Variants in MYO1E observed in about 807,000 individuals in gnomAD.
MYO1E encodes unconventional myosin-Ie.
MYO1E carries 68 observed loss-of-function variants against 151.1 expected under a neutral mutation model. That is an observed-to-expected ratio of 0.45 (90% CI 0.37 to 0.55). The LOEUF is 0.55. Among genes scored for constraint, MYO1E ranks in the 20% least tolerant of loss-of-function variants. MYO1E has a pLI of 0.00. For synonymous variants in MYO1E, 601 were observed against 501.7 expected, an observed-to-expected ratio of 1.20 and a Z score of -2.64; for missense variants, 1,363 against 1,389.3, an observed-to-expected ratio of 0.98 and a Z score of 0.30.
At chr15:59,144,150 C>T (rs117605175) in intron 26 of MYO1E, among the ~76,000 whole-genome samples, 1 of 151,950 alleles carries the variant, frequency 6.6e-6, no homozygotes, top group Non-Finnish European at 1.5e-5. Context: ...TTTCTTTTTC[C>T]TTTTATTTAT....
rs548637320 is a variant in MYO1E at position 59,208,181 on chromosome 15, G to A, written c.1530+500C>T. On this transcript the variant is annotated intron_variant, in intron 14 of 27. Coordinates refer to ENST00000288235, the MANE Select transcript of MYO1E (RefSeq NM_004998.4). Reference sequence around the variant, plus strand: ...GAATAAACTTGAATTCCTAAAAGATGGAAACAGGAAAGTAGGTAGAGTGAT... The same window carrying A: ...GAATAAACTTGAATTCCTAAAAGATAGAAACAGGAAAGTAGGTAGAGTGAT... The A allele has an allele frequency of 5.3e-6, 6 of 1,141,200 alleles. No individual in the cohort carries two copies. In the African/African-American group the frequency reaches 9.4e-5, roughly 18 times the overall value. The allele number at this position is 1,141,200 out of a possible 1,614,324, so 70.7% of individuals were successfully genotyped here.
chr15:59,139,716 T>G (rs1012774130), intron 26 of MYO1E, among the ~76,000 whole-genome samples: 1 of 148,444 alleles, frequency 6.7e-6, no homozygotes, highest in Non-Finnish European at 1.5e-5. Context: ...CTCTGCAGAC[T>G]TCCCTCCTAC....
At chr15:59,280,411 G>A (rs2080346234) in intron 1 of MYO1E, among the ~76,000 whole-genome samples, 1 of 152,106 alleles carries the variant, frequency 6.6e-6, no homozygotes, top group Non-Finnish European at 1.5e-5. Flanking sequence ...GATCACTTGA[G>A]GTCAGGAGTT....
At position 59,202,245 on chromosome 15, in the gene MYO1E, C is replaced by G; in HGVS notation, c.1698+81G>C. On this transcript the variant is annotated intron_variant, in intron 16 of 27. Coordinates refer to ENST00000288235, the MANE Select transcript of MYO1E (RefSeq NM_004998.4). ...CTCCTCACGTCTCACTGACCTCATC[C>G]TGGCCCAGGGGTGCAGTTCCTTACT... is the stretch of plus-strand genomic sequence containing the variant. The G allele has an allele frequency of 3.2e-6, 4 of 1,253,508 alleles. No homozygotes were observed. In the South Asian group the frequency reaches 4.8e-5, roughly 15 times the overall value. The allele number at this position is 1,253,508 out of a possible 1,614,324, so 77.6% of individuals were successfully genotyped here.
intron 18 of MYO1E, among the ~76,000 whole-genome samples, chr15:59,181,383 C>T (rs2079657531): frequency 6.6e-6 from 1 of 152,224 alleles, no homozygotes; most frequent in South Asian, 2.1e-4. Flanking sequence ...AAGAAACACA[C>T]ATTGCCTAGC....
intron 1 of MYO1E, among the ~76,000 whole-genome samples, chr15:59,349,327 G>A (rs957256925): frequency 6.6e-6 from 1 of 151,950 alleles, no homozygotes; most frequent in African/African-American, 2.4e-5. Flanking sequence ...ATATGAAATG[G>A]ATATAATTAT....
Position 59,137,200 on chromosome 15 carries a change from G to C in MYO1E, c.*180C>G, listed in dbSNP as rs2079378334. The C allele has an allele frequency of 3.1e-6, 2 of 649,360 alleles. No individual in the cohort carries two copies. Among genetic ancestry groups the C allele is most frequent in the Non-Finnish European group, 5.6e-6 (2 of 359,964 alleles). The allele number at this position is 649,360 out of a possible 1,614,324, so 40.2% of individuals were successfully genotyped here. On this transcript the variant is annotated 3_prime_UTR_variant, in exon 28 of 28. Coordinates refer to ENST00000288235, the MANE Select transcript of MYO1E (RefSeq NM_004998.4). Reference sequence around the variant, plus strand: ...GCTACCTTTTAGGATCACTTATGGAGTGATACTCCCTGTCCCCAACCCAGC... The same window carrying C: ...GCTACCTTTTAGGATCACTTATGGACTGATACTCCCTGTCCCCAACCCAGC...
At chr15:59,150,189 G>C (rs576353020) in intron 26 of MYO1E, among the ~76,000 whole-genome samples, 1 of 152,316 alleles carries the variant, frequency 6.6e-6, no homozygotes, top group East Asian at 1.9e-4. Context: ...CCTACTAATT[G>C]TGTTTTACAT....
intron 9 of MYO1E, among the ~76,000 whole-genome samples, chr15:59,218,693 G>C (rs1444899595): frequency 6.6e-6 from 1 of 152,202 alleles, no homozygotes; most frequent in Non-Finnish European, 1.5e-5. Flanking sequence ...AGAACCCTTG[G>C]AAAAGCTGAA....
At chr15:59,222,559 T>G (rs3794493) in intron 9 of MYO1E, among the ~76,000 whole-genome samples, 62,147 of 152,054 alleles carry the variant, frequency 0.41, 13,366 homozygotes, top group East Asian at 0.7. Context: ...TCTTTTTCTG[T>G]GTTCAGAAAT....
intron 22 of MYO1E, among the ~76,000 whole-genome samples, chr15:59,170,525 AC>A (rs1310421420): frequency 6.6e-5 from 10 of 151,906 alleles, no homozygotes; most frequent in Admixed American, 3.3e-4. Context: ...TCAGGTTGGG[AC>A]CCAGCCAGTG....
At chr15:59,321,295 C>T (rs757950971) in intron 1 of MYO1E, among the ~76,000 whole-genome samples, 2 of 152,202 alleles carry the variant, frequency 1.3e-5, no homozygotes, top group Admixed American at 6.5e-5. Context: ...GAACCTAAAA[C>T]AGAACTATCA....
At chr15:59,149,140 T>C (rs193045851) in intron 26 of MYO1E, among the ~76,000 whole-genome samples, 1 of 147,250 alleles carries the variant, frequency 6.8e-6, no homozygotes, top group Non-Finnish European at 1.5e-5. Context: ...CACTGCAAGC[T>C]CTGCCTCCTG....
chr15:59,132,507 T>TA lies in MYO1E; in HGVS notation c.*4872dup, dbSNP rs1283428642. Reference sequence around the variant, plus strand: ...CTTAGGAAATTCTTCCAGGATGTCATAAAAAAAGACCTTTAAGATACTTTC... The same window carrying TA: ...CTTAGGAAATTCTTCCAGGATGTCATAAAAAAAAGACCTTTAAGATACTTTC... On this transcript the variant is annotated 3_prime_UTR_variant, in exon 28 of 28. Coordinates refer to ENST00000288235, the MANE Select transcript of MYO1E (RefSeq NM_004998.4). 6.6e-6 allele frequency: 1 copy of TA among 152,042 alleles called. No homozygotes were observed. Among genetic ancestry groups the TA allele is most frequent in the Admixed American group, 6.6e-5 (1 of 15,266 alleles). The allele number at this position is 152,042 out of a possible 1,614,324, so 9.4% of individuals were successfully genotyped here.
At chr15:59,355,390 ACTACAGGTTAC>A (rs1404999337) in intron 1 of MYO1E, among the ~76,000 whole-genome samples, 2 of 152,106 alleles carry the variant, frequency 1.3e-5, no homozygotes, top group African/African-American at 4.8e-5. Context: ...CTTTCCAGAT[ACTACAGGTTAC>A]CTACTCCTGC....
chr15:59,151,010 G>GACACACACAC (rs60541381), intron 26 of MYO1E, among the ~76,000 whole-genome samples: 1 of 141,094 alleles, frequency 7.1e-6, no homozygotes, highest in Non-Finnish European at 1.5e-5. Context: ...AGAGGAGAGG[G>GACACACACAC]ACACACACAC....
chr15:59,357,593 TTTGTTG>T (rs146568549), intron 1 of MYO1E, among the ~76,000 whole-genome samples: 139,429 of 149,926 alleles, frequency 0.93, 65,443 homozygotes, highest in East Asian at 0.99. Context: ...CCTGGCTATT[TTTGTTG>T]TTGTTGTTGT....
chr15:59,169,766 A>G (rs1290028963), intron 22 of MYO1E, among the ~76,000 whole-genome samples: 1 of 152,078 alleles, frequency 6.6e-6, no homozygotes, highest in African/African-American at 2.4e-5. Flanking sequence ...AAAAACAATA[A>G]AAGGAAGAAA....
In MYO1E at chr15:59,135,809, C is replaced by T. The variant is rs959690287; in HGVS notation, c.*1571G>A. On this transcript the variant is annotated 3_prime_UTR_variant, in exon 28 of 28. Coordinates refer to ENST00000288235, the MANE Select transcript of MYO1E (RefSeq NM_004998.4). Reference sequence around the variant, plus strand: ...TAAGTTACCAGTAGCTTAAGAATGGCTATGGCACCCAGAGGAGGAAAGGTA... The same window carrying T: ...TAAGTTACCAGTAGCTTAAGAATGGTTATGGCACCCAGAGGAGGAAAGGTA... The T allele has an allele frequency of 2.0e-5, 3 of 152,184 alleles. No individual in the cohort carries two copies. The highest frequency in any genetic ancestry group is 2.9e-5 in the Non-Finnish European group (2 of 68,046). 9.4% of individuals were successfully genotyped at this position (152,184 alleles called of 1,614,324 possible).
Sources: gnomAD v4.1 joint callset for allele counts (sites outside exome capture counted in the v4.1 genomes callset) on GRCh38, gnomAD v4.1.1 for gene constraint, MANE v1.5 for transcripts, NCBI Gene and HGNC (gene_info 2026-07-23, HGNC 2026-07-21) for gene names.